The following EMC1 variants were observed in gnomAD, a reference collection of about 807,000 sequenced individuals.
The protein encoded by EMC1 is KIAA0090.
In EMC1, 103 loss-of-function variants were observed where a neutral mutation model predicts 128.8. The observed-to-expected ratio is 0.80, with a 90% CI of 0.68 to 0.94. EMC1 has a LOEUF of 0.94. Among genes scored for constraint, EMC1 ranks in the 40% least tolerant of loss-of-function variants. EMC1 has a pLI of 0.00. For synonymous variants in EMC1, 442 were observed against 490.4 expected (o/e 0.90, Z 1.30); for missense variants, 1,083 against 1,250.6 (o/e 0.87, Z 2.02).
chr1:19,219,548 G>A, intron 22 of EMC1, 21 bp downstream of exon 22: 2 of 1,613,980 alleles, frequency 1.2e-6, no homozygotes, highest in Non-Finnish European at 1.7e-6. Context: ...GTGAAATAGG[G>A]CAGCTGTGGG....
chr1:19,240,487 T>A, intron 6 of EMC1, 41 bp from the exon 7 acceptor site: 1 of 1,610,654 alleles, frequency 6.2e-7, no homozygotes, highest in Non-Finnish European at 8.5e-7. Context: ...CGTGAAAGAT[T>A]TTTACATTTC....
chr1:19,222,729 G>C lies in EMC1; in HGVS notation c.2482C>G (p.Pro828Ala). 6.2e-7 allele frequency: 1 copy of C among 1,614,186 alleles called. No individual in the cohort carries two copies. Among genetic ancestry groups the C allele is most frequent in the Non-Finnish European group, 8.5e-7 (1 of 1,180,028 alleles). The change falls in exon 20 of 23, where the codon CCC becomes GCC. Residue 828 changes from proline to alanine, a missense_variant. Transcript: ENST00000477853. ...TGCTGGAGGACCTGGGGCAGCTGGGGGCGGTCCAGGGAGCTGAAGGCGGTG... is the reference window on the plus strand; with the variant it reads ...TGCTGGAGGACCTGGGGCAGCTGGGCGCGGTCCAGGGAGCTGAAGGCGGTG... ...NATAFSSLDRPQLPQVLQQSY... is the reference protein window; with the variant it reads ...NATAFSSLDRAQLPQVLQQSY...
At chr1:19,231,189 C>G in intron 16 of EMC1, 72 bp downstream of exon 16, 1 of 1,495,328 alleles carries the variant, frequency 6.7e-7, no homozygotes, top group Admixed American at 2.2e-5. Flanking sequence ...CATCTCCGGG[C>G]CGCTGTGTTT....
intron 5 of EMC1, among the ~76,000 whole-genome samples, chr1:19,241,367 C>T (rs1421795008): frequency 6.6e-6 from 1 of 151,284 alleles, no homozygotes. Context: ...AATTTTCCTA[C>T]GGTTAGAAGA....
chr1:19,240,907 A>G, intron 6 of EMC1, 109 bp downstream of exon 6: 1 of 1,266,042 alleles, frequency 7.9e-7, no homozygotes, highest in Non-Finnish European at 1.1e-6. Flanking sequence ...AGGGAGCATA[A>G]GTAGCTTTTG....
At position 19,232,929 on chromosome 1, in the gene EMC1, CACTCACCTTGCCTGAGGCTGTT is replaced by C. The variant is rs1431810286; in HGVS notation, c.1617_1632+6del. 28 of 1,613,764 alleles carry C rather than the reference CACTCACCTTGCCTGAGGCTGTT, an allele frequency of 1.7e-5. No homozygotes were observed. Among genetic ancestry groups the C allele is most frequent in the Non-Finnish European group, 2.3e-5 (27 of 1,179,836 alleles). The stretch of plus-strand genomic sequence containing the variant: ...GGTTCAGTAACTGGAGCTTAAACCC[CACTCACCTTGCCTGAGGCTGTT>C]ACCATCACCATCATCTTCTGGAGGT... On this transcript the variant is annotated splice_donor_variant and splice_donor_5th_base_variant and coding_sequence_variant and intron_variant, in exon 14 of 23. Coordinates refer to ENST00000477853, the MANE Select transcript of EMC1 (RefSeq NM_015047.3). LOFTEE classifies it high-confidence loss of function.
In EMC1 at chr1:19,219,284, T is replaced by A. The variant is rs565114446; in HGVS notation, c.*19A>T. 6.2e-7 allele frequency: 1 copy of A among 1,613,778 alleles called. No individual in the cohort carries two copies. Among genetic ancestry groups the A allele is most frequent in the African/African-American group, 1.3e-5 (1 of 75,038 alleles). On this transcript the variant is annotated 3_prime_UTR_variant, in exon 23 of 23. Transcript: ENST00000477853. ...CCACACTCCCCTGGCTCTCCACTTT[T>A]AGGCACAGTCTTTGTTCTTTATCGC...
Position 19,244,892 on chromosome 1 carries a change from C to T in EMC1, c.220+14G>A. 1 of 1,613,210 alleles carries T rather than the reference C, an allele frequency of 6.2e-7. No homozygotes were observed. Among genetic ancestry groups the T allele is most frequent in the Non-Finnish European group, 8.5e-7 (1 of 1,179,368 alleles). On this transcript the variant is annotated intron_variant, in intron 2 of 22. Coordinates refer to ENST00000477853, the MANE Select transcript of EMC1 (RefSeq NM_015047.3). Reference sequence around the variant, plus strand: ...CCTGAGGCAGCCAGTAGACACAGTTCTCAGTTCACTCACAGATCTCCCCAG... The same window carrying T: ...CCTGAGGCAGCCAGTAGACACAGTTTTCAGTTCACTCACAGATCTCCCCAG...
chr1:19,233,004 T>C lies in EMC1; in HGVS notation c.1564A>G (p.Ile522Val), dbSNP rs1395645111. 3.1e-6 allele frequency: 5 copies of C among 1,614,064 alleles called. No individual in the cohort carries two copies. The African/African-American group carries it at 5.3e-5, about 17-fold the overall frequency. ...AATTCATCTCTGGCCAGGGTGTCAATGTTGATCTCATTCTTAATCTGACTC... is the reference window on the plus strand; with the variant it reads ...AATTCATCTCTGGCCAGGGTGTCAACGTTGATCTCATTCTTAATCTGACTC... ...PRSQIKNEIN[I>V]DTLARDEFNL... Residue 522 changes from isoleucine (I) to valine (V), a missense_variant, in exon 14 of 23, where the codon ATT becomes GTT. Ile to Val is a conservative substitution (Grantham distance 29). This residue lies in a region of EMC1 where 527 missense variants were observed against 644.1 expected (regional missense o/e 0.82). Transcript: ENST00000477853.
rs377084788 is a variant in EMC1 at position 19,228,487 on chromosome 1, G to A, written c.2065-1037C>T. Reference sequence around the variant, plus strand: ...CCTATGGAATTATGCGGAGCCCTTGGGGGTGGAGACAGGAGGTAGTTACTG... The same window carrying A: ...CCTATGGAATTATGCGGAGCCCTTGAGGGTGGAGACAGGAGGTAGTTACTG... On this transcript the variant is annotated intron_variant, in intron 17 of 22. Transcript: ENST00000477853. 3.3e-5 allele frequency among the ~76,000 whole-genome samples: 5 copies of A among 152,154 alleles called. No individual in the cohort carries two copies. In the South Asian group the frequency reaches 6.2e-4, roughly 19 times the overall value.
At position 19,232,694 on chromosome 1, in the gene EMC1, T is replaced by G; in HGVS notation, c.1712A>C (p.Lys571Thr). ...LPNVKPDSSF[K>T]LMVQRTTAHF... ...AGCAGTAGTTCTCTGGACCATCAGT[T>G]TAAAGGAGGAGTCTGGCTTGACATT... Residue 571 changes from lysine (K) to threonine (T), a missense_variant, in exon 15 of 23, where the codon AAA becomes ACA. Coordinates refer to ENST00000477853, the MANE Select transcript of EMC1 (RefSeq NM_015047.3). 1 of 1,614,080 alleles carries G rather than the reference T, an allele frequency of 6.2e-7. No individual in the cohort carries two copies. Among genetic ancestry groups the G allele is most frequent in the Non-Finnish European group, 8.5e-7 (1 of 1,180,014 alleles).
chr1:19,237,444 T>C (rs895270181), intron 11 of EMC1, among the ~76,000 whole-genome samples: 2 of 152,184 alleles, frequency 1.3e-5, no homozygotes, highest in African/African-American at 4.8e-5. Flanking sequence ...CTCCCAGACC[T>C]TTCCATGGAA....
In EMC1 at chr1:19,223,585, A is replaced by G. The variant is rs758064507; in HGVS notation, c.2203-16T>C. The G allele has an allele frequency of 6.2e-7, 1 of 1,612,426 alleles. No individual in the cohort carries two copies. Among genetic ancestry groups the G allele is most frequent in the Non-Finnish European group, 8.5e-7 (1 of 1,179,596 alleles). On this transcript the variant is annotated splice_polypyrimidine_tract_variant and intron_variant, in intron 18 of 22. Coordinates refer to ENST00000477853, the MANE Select transcript of EMC1 (RefSeq NM_015047.3). Reference sequence around the variant, plus strand: ...GGTTCAGGCTCTGGAGAGAGAGAGAAAACCTCCCTTAGAACCACGACGACT... The same window carrying G: ...GGTTCAGGCTCTGGAGAGAGAGAGAGAACCTCCCTTAGAACCACGACGACT...
At chr1:19,244,857 G>C (rs369769567) in intron 2 of EMC1, 49 bp downstream of exon 2, 9 of 1,607,402 alleles carry the variant, frequency 5.6e-6, no homozygotes, top group South Asian at 1.1e-5. Context: ...GCAATGGTAA[G>C]TCTTTCATCC....
At chr1:19,242,625 G>A in intron 4 of EMC1, 152 bp from the exon 5 acceptor site, 1 of 799,014 alleles carries the variant, frequency 1.3e-6, no homozygotes, top group Non-Finnish European at 1.9e-6. Flanking sequence ...TCTGCCTCTT[G>A]TTAGTCAACT....
intron 12 of EMC1, 147 bp downstream of exon 12, chr1:19,236,995 G>T: frequency 1.9e-6 from 1 of 535,020 alleles, no homozygotes; most frequent in Non-Finnish European, 3.4e-6. Flanking sequence ...AAAAAAAGCA[G>T]GTGACATTTG....
At chr1:19,226,920 G>A (rs934009523) in intron 18 of EMC1, among the ~76,000 whole-genome samples, 7 of 151,972 alleles carry the variant, frequency 4.6e-5, no homozygotes, top group Non-Finnish European at 8.8e-5. Context: ...CCAATTACTT[G>A]GGAGACTGAG....
At chr1:19,233,275 C>A (rs1220678149) in intron 13 of EMC1, 140 bp from the exon 14 acceptor site, 10 of 717,326 alleles carry the variant, frequency 1.4e-5, no homozygotes, top group Non-Finnish European at 2.3e-5. Context: ...AAAGGGCAGT[C>A]CTGTATCTGA....
At chr1:19,242,753 T>G (rs1299431206) in intron 4 of EMC1, among the ~76,000 whole-genome samples, 1 of 152,216 alleles carries the variant, frequency 6.6e-6, no homozygotes, top group Non-Finnish European at 1.5e-5. Flanking sequence ...ACCTACCCTC[T>G]GCCACATATC....
Sources: gnomAD v4.1 joint callset for allele counts (sites outside exome capture counted in the v4.1 genomes callset) on GRCh38, gnomAD v4.1.1 for gene constraint, gnomAD v4.1.1 regional missense constraint, MANE v1.5 for transcripts, NCBI Gene and HGNC (gene_info 2026-07-23, HGNC 2026-07-21) for gene names.